CALN1: variants seen among roughly 807,000 people sequenced by gnomAD.
CALN1 encodes the protein calcium-binding protein 8.
CALN1 carries 17 observed loss-of-function variants against 30.6 expected under a neutral mutation model. That is an observed-to-expected ratio of 0.56 (90% CI 0.38 to 0.83). The LOEUF (loss-of-function observed/expected upper bound fraction) is 0.83, where lower values mean the gene tolerates loss of function less well. Among genes scored for constraint, CALN1 ranks in the 40% least tolerant of loss-of-function variants. CALN1 has a pLI of 0.00. For synonymous variants in CALN1, 156 were observed against 131.4 expected, an observed-to-expected ratio of 1.19 and a Z score of -1.28; for missense variants, 291 against 354.9, an observed-to-expected ratio of 0.82 and a Z score of 1.45.
chr7:72,250,721 C>T (rs1298132164), intron 3 of CALN1, among the ~76,000 whole-genome samples: 1 of 152,024 alleles, frequency 6.6e-6, no homozygotes, highest in African/African-American at 2.4e-5. Flanking sequence ...GCTTACTCCC[C>T]CTCTTGCGAC....
intron 1 of CALN1, among the ~76,000 whole-genome samples, chr7:72,403,941 C>A (rs769519209): frequency 6.6e-5 from 10 of 152,162 alleles, no homozygotes; most frequent in African/African-American, 9.7e-5. Flanking sequence ...AATCCCAGGG[C>A]AATACCCTCC....
intron 4 of CALN1, among the ~76,000 whole-genome samples, chr7:72,039,074 G>A (rs1478439050): frequency 1.3e-5 from 2 of 152,214 alleles, no homozygotes; most frequent in Non-Finnish European, 2.9e-5. Context: ...CTATGAGCTA[G>A]AACTACAGGT....
At chr7:72,157,206 T>C (rs1196075019) in intron 3 of CALN1, among the ~76,000 whole-genome samples, 2 of 152,220 alleles carry the variant, frequency 1.3e-5, no homozygotes, top group African/African-American at 2.4e-5. Flanking sequence ...TGGCAAATAT[T>C]TGTTGAATGC....
intron 1 of CALN1, among the ~76,000 whole-genome samples, chr7:72,428,157 C>A (rs1807857023): frequency 6.6e-6 from 1 of 152,158 alleles, no homozygotes; most frequent in Non-Finnish European, 1.5e-5. Context: ...GAGGAATGAT[C>A]ATATATCTGT....
intron 3 of CALN1, among the ~76,000 whole-genome samples, chr7:72,117,999 T>C (rs1337776797): frequency 2.0e-5 from 3 of 150,260 alleles, no homozygotes; most frequent in Non-Finnish European, 3.0e-5. Context: ...CTGTTGACCC[T>C]GGGAACAGAC....
chr7:72,389,966 G>A (rs1585639942), intron 2 of CALN1, among the ~76,000 whole-genome samples: 1 of 151,440 alleles, frequency 6.6e-6, no homozygotes, highest in South Asian at 2.1e-4. Flanking sequence ...AAAAAGGGGA[G>A]AATTAACAAG....
intron 4 of CALN1, among the ~76,000 whole-genome samples, chr7:72,048,028 TCTTC>T (rs1563008692): frequency 7.0e-6 from 1 of 143,092 alleles, no homozygotes; most frequent in African/African-American, 2.6e-5. Flanking sequence ...TCATATTGCT[TCTTC>T]TTCTTCTTCT....
chr7:72,251,195 C>T (rs1795529854), intron 3 of CALN1, among the ~76,000 whole-genome samples: 1 of 152,184 alleles, frequency 6.6e-6, no homozygotes, highest in African/African-American at 2.4e-5. Flanking sequence ...GATGTGCCCA[C>T]CTCTCACCTT....
At chr7:72,022,776 A>G (rs190793762) in intron 5 of CALN1, among the ~76,000 whole-genome samples, 2 of 152,316 alleles carry the variant, frequency 1.3e-5, no homozygotes, top group East Asian at 3.9e-4. Flanking sequence ...ATTATAGCAT[A>G]TGTAAGTTCT....
chr7:72,174,926 A>ACT (rs1789235271), intron 3 of CALN1, among the ~76,000 whole-genome samples: 1 of 137,778 alleles, frequency 7.3e-6, no homozygotes. Context: ...AATATAATCA[A>ACT]TTTTTTTTTT....
chr7:72,115,379 T>C (rs1284194064), intron 3 of CALN1, among the ~76,000 whole-genome samples: 1 of 150,144 alleles, frequency 6.7e-6, no homozygotes, highest in Non-Finnish European at 1.5e-5. Context: ...GAAAGATCTA[T>C]TTTATTTTTT....
chr7:72,247,921 C>T (rs563471032), intron 3 of CALN1, among the ~76,000 whole-genome samples: 2 of 152,268 alleles, frequency 1.3e-5, no homozygotes, highest in Admixed American at 1.3e-4. Context: ...TGGCTTGAGC[C>T]GGGAGTTCCA....
chr7:71,828,210 T>C (rs1789044255), intron 5 of CALN1, among the ~76,000 whole-genome samples: 1 of 152,098 alleles, frequency 6.6e-6, no homozygotes, highest in Non-Finnish European at 1.5e-5. Flanking sequence ...TTCATTGGTG[T>C]CTCAGCCCTT....
At chr7:72,061,027 G>A (rs905532912) in intron 4 of CALN1, among the ~76,000 whole-genome samples, 19 of 152,212 alleles carry the variant, frequency 1.2e-4, no homozygotes, top group Non-Finnish European at 2.6e-4. Flanking sequence ...GCCAACGGGT[G>A]GAGCACGAGC....
intron 5 of CALN1, among the ~76,000 whole-genome samples, chr7:71,870,007 G>A (rs931143496): frequency 7.2e-5 from 11 of 152,154 alleles, no homozygotes; most frequent in Non-Finnish European, 1.5e-4. Flanking sequence ...AATCCCCAAC[G>A]GCCGTAGTTA....
At chr7:72,314,796 C>T (rs1351051325) in intron 2 of CALN1, among the ~76,000 whole-genome samples, 2 of 150,378 alleles carry the variant, frequency 1.3e-5, no homozygotes, top group East Asian at 3.9e-4. Context: ...AAACATGATT[C>T]CAAAACTTAA....
intron 3 of CALN1, among the ~76,000 whole-genome samples, chr7:72,132,226 C>T (rs906766758): frequency 4.6e-5 from 7 of 152,116 alleles, no homozygotes; most frequent in African/African-American, 1.4e-4. Flanking sequence ...AACATCATCC[C>T]TTAGTCTAGC....
At chr7:72,224,792 A>T (rs1008473829) in intron 3 of CALN1, among the ~76,000 whole-genome samples, 10 of 152,066 alleles carry the variant, frequency 6.6e-5, no homozygotes, top group Non-Finnish European at 8.8e-5. Flanking sequence ...AAATTAAAAA[A>T]AAAGAGCAGG....
At chr7:72,308,819 T>C (rs1799842912) in intron 2 of CALN1, among the ~76,000 whole-genome samples, 1 of 152,158 alleles carries the variant, frequency 6.6e-6, no homozygotes, top group Admixed American at 6.5e-5. Flanking sequence ...AGAACTTTCA[T>C]GGAGTGATAA....
Sources: allele counts gnomAD v4.1 joint callset (sites outside exome capture counted in the v4.1 genomes callset), GRCh38; gene constraint gnomAD v4.1.1; transcripts MANE v1.5; gene names NCBI Gene and HGNC (gene_info 2026-07-23, HGNC 2026-07-21).